OR56A3: variants seen among roughly 807,000 people sequenced by gnomAD.
The protein encoded by OR56A3 is olfactory receptor 56A3.
A neutral mutation model predicts 17.5 loss-of-function variants in OR56A3; 23 were observed. The ratio of observed to expected loss-of-function variants is 1.32; its 90% CI spans 0.95 to 1.87. OR56A3 has a LOEUF of 1.87. OR56A3 is among the 40% of genes most tolerant of loss of function. The pLI, the probability that OR56A3 is intolerant of heterozygous loss-of-function variation, is 0.00. For synonymous variants in OR56A3, 175 were observed against 150.6 expected (o/e 1.16, Z -1.19); for missense variants, 366 against 380.1 (o/e 0.96, Z 0.31).
At chr11:6,007,949 C>G in the OR56A3 span, among the ~76,000 whole-genome samples, 2 of 152,136 alleles carry the variant, frequency 1.3e-5, no homozygotes, top group Non-Finnish European at 2.9e-5. Flanking sequence ...ATCTTCATGG[C>G]TTTTCTTTGT....
At chr11:5,980,393 T>C in the OR56A3 span, among the ~76,000 whole-genome samples, 7 of 150,244 alleles carry the variant, frequency 4.7e-5, no homozygotes, top group Non-Finnish European at 1.0e-4. Flanking sequence ...TTAGGATAGT[T>C]GAGTCTTCTC....
the OR56A3 span, chr11:5,986,301 G>T: frequency 6.2e-7 from 1 of 1,613,982 alleles, no homozygotes; most frequent in South Asian, 1.1e-5. Context: ...GATTGACTGT[G>T]GTTTCTGAGC....
At chr11:5,954,778 C>T (rs1052690914), downstream of OR56A3, among the ~76,000 whole-genome samples, 2 of 151,834 alleles carry the variant, frequency 1.3e-5, no homozygotes, top group African/African-American at 4.8e-5. Flanking sequence ...AACATACAGC[C>T]CTAGATTTCT....
chr11:5,999,111 A>T, the OR56A3 span, among the ~76,000 whole-genome samples: 1 of 152,212 alleles, frequency 6.6e-6, no homozygotes, highest in Non-Finnish European at 1.5e-5. Flanking sequence ...TAAAGGTCTT[A>T]TGGGGCACCC....
the OR56A3 span, among the ~76,000 whole-genome samples, chr11:5,984,223 C>T: frequency 8.5e-5 from 13 of 152,242 alleles, no homozygotes; most frequent in African/African-American, 3.1e-4. Context: ...AAACTGCAAA[C>T]CTTTACAAGA....
chr11:5,944,076 G>A (rs930900066), intron 1 of OR56A3, among the ~76,000 whole-genome samples: 3 of 152,150 alleles, frequency 2.0e-5, no homozygotes, highest in South Asian at 2.1e-4. Context: ...AAGAAGGGTC[G>A]TTAGTCACCA....
the OR56A3 span, chr11:5,968,273 G>A: frequency 1.1e-5 from 17 of 1,612,906 alleles, no homozygotes; most frequent in South Asian, 3.3e-5. Context: ...GGCAGAGTAC[G>A]ATGTCCAGCA....
At chr11:5,945,724 T>A (rs1320312219) in intron 2 of OR56A3, among the ~76,000 whole-genome samples, 1 of 152,122 alleles carries the variant, frequency 6.6e-6, no homozygotes, top group Non-Finnish European at 1.5e-5. Flanking sequence ...AAATATCACT[T>A]CCCTTGTTTG....
the OR56A3 span, among the ~76,000 whole-genome samples, chr11:5,960,578 C>A: frequency 6.6e-6 from 1 of 152,174 alleles, no homozygotes; most frequent in African/African-American, 2.4e-5. Context: ...TTGCCCAGGC[C>A]GGAGTGCAGT....
At chr11:5,990,329 G>A in the OR56A3 span, among the ~76,000 whole-genome samples, 1 of 152,254 alleles carries the variant, frequency 6.6e-6, no homozygotes, top group Non-Finnish European at 1.5e-5. Flanking sequence ...TAGGAATCAT[G>A]TAGCAAACAG....
At chr11:5,989,362 T>C in the OR56A3 span, among the ~76,000 whole-genome samples, 1 of 152,192 alleles carries the variant, frequency 6.6e-6, no homozygotes, top group Non-Finnish European at 1.5e-5. Flanking sequence ...GCAGTGAGGC[T>C]AAAACCAAAC....
chr11:5,986,901 G>A, the OR56A3 span: 14 of 1,612,928 alleles, frequency 8.7e-6, no homozygotes, highest in African/African-American at 1.9e-4. Flanking sequence ...ATGGCTTGGA[G>A]AGGAAAGAGA....
the OR56A3 span, among the ~76,000 whole-genome samples, chr11:5,980,338 C>G: frequency 2.1e-3 from 318 of 152,152 alleles, 1 homozygote; most frequent in Non-Finnish European, 3.2e-3. Flanking sequence ...TTGTAGGACT[C>G]TAAGAACTTC....
At chr11:5,942,469 T>C (rs1035895641) in intron 1 of OR56A3, 95 bp downstream of exon 1, 1 of 152,192 alleles carries the variant, frequency 6.6e-6, no homozygotes, top group East Asian at 1.9e-4. Context: ...AATTTGTCTA[T>C]AGAAGATTAA....
At chr11:6,004,302 C>T in the OR56A3 span, among the ~76,000 whole-genome samples, 3 of 151,862 alleles carry the variant, frequency 2.0e-5, no homozygotes, top group Non-Finnish European at 2.9e-5. Context: ...TGCAGTGAGC[C>T]GAGATCACGC....
the OR56A3 span, chr11:5,994,792 TA>T: frequency 5.3e-6 from 4 of 754,090 alleles, no homozygotes; most frequent in Admixed American, 3.4e-5. Context: ...GTCCCCAGTC[TA>T]CCTGGGGTCC....
chr11:5,948,229 A>G lies in OR56A3; in HGVS notation c.883A>G (p.Ile295Val), dbSNP rs752261424. 2 of 1,614,082 alleles carry G rather than the reference A, an allele frequency of 1.2e-6. No individual in the cohort carries two copies. The highest frequency in any genetic ancestry group is 2.7e-5 in the African/African-American group (2 of 74,918). Residue 295 changes from isoleucine (I) to valine (V), a missense_variant, in exon 3 of 3, where the codon ATT becomes GTT. Transcript: ENST00000641160. The part of the protein sequence containing the change: ...HVIPAALNPI[I>V]YGVRTQEIKQ... ...CATTCCTGCAGCCCTTAACCCCATCATTTACGGGGTGAGAACCCAAGAAAT... is the reference window on the plus strand; with the variant it reads ...CATTCCTGCAGCCCTTAACCCCATCGTTTACGGGGTGAGAACCCAAGAAAT...
the OR56A3 span, among the ~76,000 whole-genome samples, chr11:5,973,661 G>A: frequency 1.3e-5 from 2 of 152,004 alleles, no homozygotes; most frequent in Non-Finnish European, 2.9e-5. Context: ...AAGACGAACA[G>A]TTGGGTTTAA....
At chr11:5,977,968 TC>T in the OR56A3 span, among the ~76,000 whole-genome samples, 2 of 152,214 alleles carry the variant, frequency 1.3e-5, no homozygotes, top group Non-Finnish European at 2.9e-5. Context: ...AGGGAAACTT[TC>T]CCCCATTGCT....
Sources: allele counts gnomAD v4.1 joint callset (sites outside exome capture counted in the v4.1 genomes callset), GRCh38; gene constraint gnomAD v4.1.1; transcripts MANE v1.5; gene names NCBI Gene and HGNC (gene_info 2026-07-23, HGNC 2026-07-21).